ITGA8: variants seen among roughly 807,000 people sequenced by gnomAD.
ITGA8 encodes integrin alpha-8.
Under a neutral mutation model 142.3 loss-of-function variants are expected in ITGA8, and 91 were observed. The ratio of observed to expected loss-of-function variants is 0.64; its 90% CI spans 0.54 to 0.76. The LOEUF (loss-of-function observed/expected upper bound fraction) is 0.76. Ranked by LOEUF, ITGA8 falls within the 30% of genes least tolerant of loss-of-function variation. ITGA8 has a pLI of 0.00. For missense variants in ITGA8, 1,406 were observed against 1,327.7 expected (o/e 1.06, Z -0.92); for synonymous variants, 505 against 485.2 (o/e 1.04, Z -0.54).
At chr10:15,575,191 C>T (rs868096322) in intron 24 of ITGA8, among the ~76,000 whole-genome samples, 20 of 151,996 alleles carry the variant, frequency 1.3e-4, no homozygotes, top group African/African-American at 4.8e-4. Flanking sequence ...GAGCTTGAGA[C>T]TAGCCTGGGC....
At chr10:15,651,261 C>T (rs1225840246) in intron 11 of ITGA8, among the ~76,000 whole-genome samples, 1 of 151,958 alleles carries the variant, frequency 6.6e-6, no homozygotes, top group Non-Finnish European at 1.5e-5. Flanking sequence ...TTGTTGTTAA[C>T]AGGTTTGTTC....
At chr10:15,554,462 G>A (rs1297609268) in intron 26 of ITGA8, among the ~76,000 whole-genome samples, 3 of 129,128 alleles carry the variant, frequency 2.3e-5, no homozygotes, top group African/African-American at 8.6e-5. Context: ...GGCTGCCTCA[G>A]GGCTGCCCAG....
chr10:15,655,778 T>A (rs1384931359), intron 10 of ITGA8, among the ~76,000 whole-genome samples: 6 of 152,126 alleles, frequency 3.9e-5, no homozygotes, highest in Non-Finnish European at 8.8e-5. Context: ...TCCAATTCCA[T>A]ATGATGTTGT....
chr10:15,608,249 A>G lies in ITGA8; in HGVS notation c.1595T>C (p.Ile532Thr). 2 of 1,598,444 alleles carry G rather than the reference A, an allele frequency of 1.3e-6. No homozygotes were observed. Among genetic ancestry groups the G allele is most frequent in the East Asian group, 2.2e-5 (1 of 44,644 alleles). Residue 532 changes from isoleucine to threonine, a missense_variant, in exon 16 of 30, where the codon ATT becomes ACT. Coordinates refer to ENST00000378076, the MANE Select transcript of ITGA8 (RefSeq NM_003638.3). ...AACATGCTTACCTATTGTGTTTGCA[A>G]TGCTCTGGCCTGTGACAGATGCACA... Reference protein sequence around the residue: ...RVCASVTGQSIANTIVLMAEV... With the variant: ...RVCASVTGQSTANTIVLMAEV...
In ITGA8 at chr10:15,692,362, C is replaced by T. The variant is rs551083439; in HGVS notation, c.344-4324G>A. ...TATGACATGAAAATATGTATTCAAC[C>T]ATGACATTTCACAACTTAAAAGAAG... On this transcript the variant is annotated intron_variant, in intron 2 of 29. Transcript: ENST00000378076. 5.9e-5 allele frequency among the ~76,000 whole-genome samples: 9 copies of T among 152,194 alleles called. No homozygotes were observed. In the South Asian group the frequency reaches 1.9e-3, roughly 32 times the overall value.
chr10:15,639,788 G>A (rs917697845), intron 13 of ITGA8, among the ~76,000 whole-genome samples: 2 of 152,182 alleles, frequency 1.3e-5, no homozygotes, highest in African/African-American at 4.8e-5. Flanking sequence ...AATTTAATTG[G>A]TTTGGAGGGT....
intron 13 of ITGA8, among the ~76,000 whole-genome samples, chr10:15,626,141 C>T (rs976726413): frequency 2.6e-5 from 4 of 152,202 alleles, no homozygotes; most frequent in African/African-American, 9.7e-5. Context: ...TCCAACCAAT[C>T]TTTGGGCCCT....
chr10:15,548,065 A>C (rs953614901), intron 27 of ITGA8, among the ~76,000 whole-genome samples: 1 of 152,014 alleles, frequency 6.6e-6, no homozygotes, highest in African/African-American at 2.4e-5. Context: ...AAAATGTAAA[A>C]AAAATTTTTT....
chr10:15,604,106 T>C lies in ITGA8; in HGVS notation c.2118+102A>G. 6 of 1,074,068 alleles carry C rather than the reference T, an allele frequency of 5.6e-6. No individual in the cohort carries two copies. The South Asian group carries it at 9.2e-5, about 16-fold the overall frequency. 66.5% of individuals were successfully genotyped at this position (1,074,068 alleles called of 1,614,324 possible). On this transcript the variant is annotated intron_variant, in intron 20 of 29. Coordinates refer to ENST00000378076, the MANE Select transcript of ITGA8 (RefSeq NM_003638.3). ...AAAAGAAGGTATCATTTTGCTGTCT[T>C]TCATTAAGGAAGAAACTCTCAGCTA...
At chr10:15,671,748 T>A (rs564271298) in intron 7 of ITGA8, 101 bp from the exon 8 acceptor site, 1 of 819,426 alleles carries the variant, frequency 1.2e-6, no homozygotes. Context: ...ACTGCTTTAT[T>A]TAGAAACCTC....
intron 23 of ITGA8, among the ~76,000 whole-genome samples, chr10:15,580,390 C>T (rs899326850): frequency 3.3e-5 from 5 of 152,032 alleles, no homozygotes; most frequent in Admixed American, 6.6e-5. Context: ...TCAAAACCTT[C>T]GTACAAAAAA....
rs554504750 is a variant in ITGA8, at chr10:15,673,666, G to T, written c.677-917C>A. ...AATATATCAGCTAAGTTAAATGAAGGAATTGTAAACTCTTTGAGCCATCTG... is the reference window on the plus strand; with the variant it reads ...AATATATCAGCTAAGTTAAATGAAGTAATTGTAAACTCTTTGAGCCATCTG... On this transcript the variant is annotated intron_variant, in intron 6 of 29. Transcript: ENST00000378076. Among the ~76,000 whole-genome samples the T allele has an allele frequency of 2.7e-4, 41 of 152,132 alleles. 1 individual carries two copies. The highest frequency in any genetic ancestry group is 5.1e-4 in the Non-Finnish European group (35 of 68,036).
intron 2 of ITGA8, among the ~76,000 whole-genome samples, chr10:15,705,794 A>T (rs1469111309): frequency 6.6e-6 from 1 of 151,944 alleles, no homozygotes; most frequent in Non-Finnish European, 1.5e-5. Flanking sequence ...ATTTCACTTC[A>T]CCTCACAAGA....
intron 27 of ITGA8, among the ~76,000 whole-genome samples, chr10:15,540,902 C>T (rs1183799060): frequency 6.6e-6 from 1 of 152,204 alleles, no homozygotes; most frequent in East Asian, 1.9e-4. Context: ...CTCCCGCCAG[C>T]ACCATGACAG....
intron 8 of ITGA8, among the ~76,000 whole-genome samples, chr10:15,663,797 T>G (rs1834334836): frequency 6.6e-6 from 1 of 152,126 alleles, no homozygotes; most frequent in African/African-American, 2.4e-5. Flanking sequence ...ATAGAACTCC[T>G]GAGCTCAAGC....
chr10:15,536,582 C>T (rs996652400), intron 27 of ITGA8, among the ~76,000 whole-genome samples: 1 of 152,174 alleles, frequency 6.6e-6, no homozygotes. Context: ...TAGCAATCTA[C>T]TCATGTAATA....
chr10:15,651,047 G>A (rs890437417), intron 11 of ITGA8, among the ~76,000 whole-genome samples: 1 of 152,118 alleles, frequency 6.6e-6, no homozygotes, highest in African/African-American at 2.4e-5. Flanking sequence ...TTATTCTCAA[G>A]TTAACCACTA....
chr10:15,537,770 G>A (rs35673605), intron 27 of ITGA8, among the ~76,000 whole-genome samples: 2 of 152,148 alleles, frequency 1.3e-5, no homozygotes, highest in African/African-American at 4.8e-5. Flanking sequence ...TTGTCATTTA[G>A]GTTGTATAGA....
At chr10:15,698,853 C>G (rs1835105476) in intron 2 of ITGA8, among the ~76,000 whole-genome samples, 1 of 152,164 alleles carries the variant, frequency 6.6e-6, no homozygotes, top group Non-Finnish European at 1.5e-5. Context: ...TTCTCCCGCT[C>G]TGTGGGTTTT....
Sources: gnomAD v4.1 joint callset for allele counts (sites outside exome capture counted in the v4.1 genomes callset) on GRCh38, gnomAD v4.1.1 for gene constraint, MANE v1.5 for transcripts, NCBI Gene and HGNC (gene_info 2026-07-23, HGNC 2026-07-21) for gene names.